The following PRKN variants were observed in gnomAD, a reference collection of about 807,000 sequenced individuals.
PRKN encodes parkin RBR E3 ubiquitin protein ligase.
Under a neutral mutation model 59.5 loss-of-function variants are expected in PRKN, and 56 were observed. The ratio of observed to expected loss-of-function variants is 0.94; its 90% CI spans 0.76 to 1.18. The LOEUF (loss-of-function observed/expected upper bound fraction) is 1.18, where lower values mean the gene tolerates loss of function less well. Among genes scored for constraint, PRKN ranks in the 50% most tolerant of loss-of-function variants. PRKN has a pLI of 0.00. For synonymous variants in PRKN, 250 were observed against 222.1 expected (o/e 1.13, Z -1.12); for missense variants, 657 against 596.4 (o/e 1.10, Z -1.06).
At chr6:161,432,684 T>C (rs1014129614) in intron 9 of PRKN, among the ~76,000 whole-genome samples, 3 of 151,894 alleles carry the variant, frequency 2.0e-5, no homozygotes, top group African/African-American at 7.3e-5. Context: ...ACCTAGCCTC[T>C]GATTTTAGCT....
chr6:162,355,802 T>C (rs1275765184), intron 2 of PRKN, among the ~76,000 whole-genome samples: 2 of 152,076 alleles, frequency 1.3e-5, no homozygotes, highest in African/African-American at 4.8e-5. Flanking sequence ...TCAGGAACAA[T>C]GTCTCTGTCT....
At chr6:162,260,262 A>C (rs1779832566) in intron 3 of PRKN, among the ~76,000 whole-genome samples, 1 of 152,138 alleles carries the variant, frequency 6.6e-6, no homozygotes, top group Admixed American at 6.5e-5. Context: ...GGGTGATCAG[A>C]GGTTAGATGT....
chr6:161,789,946 A>G lies in PRKN; in HGVS notation c.735-4038T>C, dbSNP rs114025372. On this transcript the variant is annotated intron_variant, in intron 6 of 11. Transcript: ENST00000366898. The stretch of plus-strand genomic sequence containing the variant: ...TTCTTATTGAACATCTACTTTGACT[A>G]AAGTAGGCACTTAGTAAATGCATGT... Among the ~76,000 whole-genome samples, 1,039 of 150,980 alleles carry G rather than the reference A, an allele frequency of 6.9e-3. 19 individuals are homozygous for G. The highest frequency in any genetic ancestry group is 0.025 in the African/African-American group (995 of 40,312).
chr6:161,619,616 G>A (rs555318327), intron 7 of PRKN, among the ~76,000 whole-genome samples: 4 of 152,218 alleles, frequency 2.6e-5, no homozygotes, highest in Non-Finnish European at 5.9e-5. Flanking sequence ...GAGAACTGAG[G>A]CTGAGAGAGC....
chr6:161,739,125 C>T lies in PRKN; in HGVS notation c.871+46647G>A, dbSNP rs190101100. Among the ~76,000 whole-genome samples, 45 of 152,104 alleles carry T rather than the reference C, an allele frequency of 3.0e-4. No homozygotes were observed. In the East Asian group the frequency reaches 6.0e-3, roughly 20 times the overall value. ...GTATATTAAGTGGAGAGGGGCAGGG[C>T]GGCCAGGTGCAGTGGCTCACACCTG... On this transcript the variant is annotated intron_variant, in intron 7 of 11. Coordinates refer to ENST00000366898, the MANE Select transcript of PRKN (RefSeq NM_004562.3).
At chr6:162,563,925 GAAGT>G (rs1170786186) in intron 1 of PRKN, among the ~76,000 whole-genome samples, 1 of 151,090 alleles carries the variant, frequency 6.6e-6, no homozygotes, top group Non-Finnish European at 1.5e-5. Context: ...TGATCAAGGA[GAAGT>G]AAGAATTAGT....
chr6:162,364,833 A>G (rs772442527), intron 2 of PRKN, among the ~76,000 whole-genome samples: 3 of 152,146 alleles, frequency 2.0e-5, no homozygotes, highest in Non-Finnish European at 2.9e-5. Flanking sequence ...AAACAAAGCA[A>G]CCAGGAATAT....
rs916155003 is a variant in PRKN at position 161,353,757 on chromosome 6, G to C, written c.1286-3546C>G. Among the ~76,000 whole-genome samples, 1 of 152,194 alleles carries C rather than the reference G, an allele frequency of 6.6e-6. No individual in the cohort carries two copies. Among genetic ancestry groups the C allele is most frequent in the Non-Finnish European group, 1.5e-5 (1 of 68,040 alleles). ...TGAAGCCAGTCGATCAGAACTTCCG[G>C]AAGCCCAGACTTGAGACCGGTGAGT... On this transcript the variant is annotated intron_variant, in intron 11 of 11. Coordinates refer to ENST00000366898, the MANE Select transcript of PRKN (RefSeq NM_004562.3). The surrounding 1 kb of genome is among the most constrained non-coding windows in gnomAD (Gnocchi z 4.8).
intron 7 of PRKN, among the ~76,000 whole-genome samples, chr6:161,628,000 AAAAC>A (rs1783155182): frequency 6.6e-6 from 1 of 152,182 alleles, no homozygotes; most frequent in Admixed American, 6.5e-5. Context: ...GGTATTAGCC[AAAAC>A]AAACTGATAA....
chr6:162,265,756 G>A (rs1329641043), intron 2 of PRKN, among the ~76,000 whole-genome samples: 1 of 152,118 alleles, frequency 6.6e-6, no homozygotes, highest in Non-Finnish European at 1.5e-5. Flanking sequence ...ACCCACTGAG[G>A]TGACCAAGTG....
intron 6 of PRKN, among the ~76,000 whole-genome samples, chr6:161,820,147 G>A (rs1185798196): frequency 6.6e-6 from 1 of 151,942 alleles, no homozygotes; most frequent in Admixed American, 6.6e-5. Context: ...ACCAGAAAGA[G>A]AGCATTTTGC....
chr6:162,045,945 T>C (rs1377413988), intron 5 of PRKN, among the ~76,000 whole-genome samples: 1 of 152,228 alleles, frequency 6.6e-6, no homozygotes. Flanking sequence ...ATTGAAACAT[T>C]TGGGAAAGCT....
intron 10 of PRKN, among the ~76,000 whole-genome samples, chr6:161,375,315 C>T (rs1420345008): frequency 1.3e-5 from 2 of 152,180 alleles, no homozygotes; most frequent in African/African-American, 4.8e-5. Flanking sequence ...TTCTGCAGTG[C>T]AGGAGAGCGC....
rs1382844492 is a variant in PRKN, at chr6:161,376,536, TC to T, written c.1167+10257del. 6.6e-6 allele frequency among the ~76,000 whole-genome samples: 1 copy of T among 152,144 alleles called. No individual in the cohort carries two copies. Among genetic ancestry groups the T allele is most frequent in the African/African-American group, 2.4e-5 (1 of 41,434 alleles). On this transcript the variant is annotated intron_variant, in intron 10 of 11. Coordinates refer to ENST00000366898, the MANE Select transcript of PRKN (RefSeq NM_004562.3). This position sits in a 1 kb window ranked among gnomAD's most constrained non-coding sequence, Gnocchi z 7.3. The stretch of plus-strand genomic sequence containing the variant: ...CTCAAGCCCATCCCCTCCTCTGTAT[TC>T]CCTGGCCGGATTCCTGGTGCCTGGT...
intron 4 of PRKN, among the ~76,000 whole-genome samples, chr6:162,141,327 T>C (rs933650201): frequency 1.3e-5 from 2 of 152,112 alleles, no homozygotes; most frequent in Non-Finnish European, 2.9e-5. Context: ...ATTCAAAACT[T>C]TGAAAGTATA....
In PRKN at chr6:161,467,227, T is replaced by C. The variant is rs1258172863; in HGVS notation, c.1084-80350A>G. Among the ~76,000 whole-genome samples, 1 of 152,228 alleles carries C rather than the reference T, an allele frequency of 6.6e-6. No homozygotes were observed. The highest frequency in any genetic ancestry group is 1.5e-5 in the Non-Finnish European group (1 of 68,036). On this transcript the variant is annotated intron_variant, in intron 9 of 11. Coordinates refer to ENST00000366898, the MANE Select transcript of PRKN (RefSeq NM_004562.3). This position sits in a 1 kb window ranked among gnomAD's most constrained non-coding sequence, Gnocchi z 4.3. ...GAGAGACTTCTTCCATCTACACCCTTCTGTCTTAAGTATAATTCACTCATT... is the reference window on the plus strand; with the variant it reads ...GAGAGACTTCTTCCATCTACACCCTCCTGTCTTAAGTATAATTCACTCATT...
At chr6:161,663,621 C>A (rs988570053) in intron 7 of PRKN, among the ~76,000 whole-genome samples, 3 of 152,146 alleles carry the variant, frequency 2.0e-5, no homozygotes, top group African/African-American at 7.2e-5. Flanking sequence ...CAAGTTTTGT[C>A]TCCAGATGAG....
intron 2 of PRKN, among the ~76,000 whole-genome samples, chr6:162,305,231 C>T (rs1457348367): frequency 6.6e-6 from 1 of 152,066 alleles, no homozygotes; most frequent in Non-Finnish European, 1.5e-5. Context: ...GCTAATTATG[C>T]CCTCAGTGTC....
At chr6:162,474,702 C>T (rs1791916548) in intron 1 of PRKN, among the ~76,000 whole-genome samples, 3 of 152,148 alleles carry the variant, frequency 2.0e-5, no homozygotes, top group Non-Finnish European at 2.9e-5. Flanking sequence ...TTGCTAGATT[C>T]TTTGAACAGG....
Sources: gnomAD v4.1 joint callset for allele counts (sites outside exome capture counted in the v4.1 genomes callset) on GRCh38, gnomAD v4.1.1 for gene constraint, Gnocchi (gnomAD v3.1) non-coding constraint, MANE v1.5 for transcripts, NCBI Gene and HGNC (gene_info 2026-07-23, HGNC 2026-07-21) for gene names.